The following ACO1 variants were observed in gnomAD, a reference collection of about 807,000 sequenced individuals.
ACO1 encodes the protein aconitase 1.
ACO1 carries 78 observed loss-of-function variants against 105.1 expected under a neutral mutation model. The ratio of observed to expected loss-of-function variants is 0.74; its 90% CI spans 0.62 to 0.90. The LOEUF (loss-of-function observed/expected upper bound fraction) is 0.90. ACO1 is among the 40% of genes least tolerant of loss of function. The pLI is 0.00. For missense variants in ACO1, 965 were observed against 1,111.1 expected (o/e 0.87, Z 1.87); for synonymous variants, 364 against 397.4 (o/e 0.92, Z 1.00).
chr9:32,429,758 TGATAAACATAA>T (rs954318982), intron 13 of ACO1, among the ~76,000 whole-genome samples: 10 of 152,350 alleles, frequency 6.6e-5, no homozygotes, highest in Middle Eastern at 3.4e-3. Context: ...ATTAAGATGA[TGATAAACATAA>T]GTCACTTAGT....
chr9:32,436,000 C>A (rs533098168), intron 17 of ACO1: 4 of 641,124 alleles, frequency 6.2e-6, no homozygotes, highest in South Asian at 1.5e-5. Flanking sequence ...ATTTTTCTAA[C>A]CAGATTTGAA....
Position 32,450,051 on chromosome 9 carries a change from G to A in ACO1, c.2610G>A (p.Glu870=). 6.2e-7 allele frequency: 1 copy of A among 1,614,098 alleles called. No individual in the cohort carries two copies. The highest frequency in any genetic ancestry group is 8.5e-7 in the Non-Finnish European group (1 of 1,180,028). ...TCATGAGGTTTGACACTGATGTGGAGCTCACTTATTTCCTCAACGGGGGCA... is the reference window on the plus strand; with the variant it reads ...TCATGAGGTTTGACACTGATGTGGAACTCACTTATTTCCTCAACGGGGGCA... ...QAVMRFDTDV[E]LTYFLNGGIL... is the part of the protein sequence containing the mutation. Residue 870 remains glutamate (E), a synonymous_variant, in exon 21 of 21, where the codon GAG becomes GAA. Transcript: ENST00000309951.
intron 1 of ACO1, among the ~76,000 whole-genome samples, chr9:32,392,449 T>G (rs1413275582): frequency 6.6e-6 from 1 of 152,200 alleles, no homozygotes; most frequent in Non-Finnish European, 1.5e-5. Context: ...AGCACATGTC[T>G]CCAGGCTGCT....
In ACO1 at chr9:32,450,979, A is replaced by G. The variant is rs573135879; in HGVS notation, c.*868A>G. 6 of 146,074 alleles carry G rather than the reference A, an allele frequency of 4.1e-5. No homozygotes were observed. The East Asian group carries it at 9.6e-4, about 23-fold the overall frequency. 9.0% of individuals were successfully genotyped at this position (146,074 alleles called of 1,614,324 possible). On this transcript the variant is annotated 3_prime_UTR_variant, in exon 21 of 21. Coordinates refer to ENST00000309951, the MANE Select transcript of ACO1 (RefSeq NM_002197.3). ...ACAACTCTATCAGAACTGTACGGGT[A>G]TAACGGAAATGTTTAGGAACCATTA... is the stretch of plus-strand genomic sequence containing the variant.
intron 8 of ACO1, 38 bp downstream of exon 8, chr9:32,421,065 A>G (rs1416731428): frequency 1.3e-6 from 2 of 1,596,138 alleles, no homozygotes; most frequent in South Asian, 1.1e-5. Flanking sequence ...GCTTTTTGTA[A>G]AAGTTCCATG....
At chr9:32,401,023 A>G (rs547935437) in intron 1 of ACO1, among the ~76,000 whole-genome samples, 1 of 151,736 alleles carries the variant, frequency 6.6e-6, no homozygotes, top group African/African-American at 2.4e-5. Context: ...AAATTCTCAT[A>G]TCATTTAATG....
chr9:32,435,192 G>A (rs992650000), intron 17 of ACO1, among the ~76,000 whole-genome samples: 2 of 152,068 alleles, frequency 1.3e-5, no homozygotes, highest in Non-Finnish European at 2.9e-5. Context: ...TATATTAATC[G>A]AGGTCAGTGG....
rs377699256 is a variant in ACO1, at chr9:32,418,411, A to T, written c.558A>T (p.Ala186=). Reference sequence around the variant, plus strand: ...ACCAGGTGAATTTGGAATATTTGGCAAGAGTGGTATTTGATCAGGATGGAT... The same window carrying T: ...ACCAGGTGAATTTGGAATATTTGGCTAGAGTGGTATTTGATCAGGATGGAT... ...IIHQVNLEYL[A]RVVFDQDGYY... The change falls in exon 6 of 21, where the codon GCA becomes GCT. Residue 186 remains alanine (A), a synonymous_variant. Transcript: ENST00000309951. 1.9e-6 allele frequency: 3 copies of T among 1,614,112 alleles called. No homozygotes were observed. Among genetic ancestry groups the T allele is most frequent in the Non-Finnish European group, 2.5e-6 (3 of 1,180,038 alleles).
chr9:32,418,205 C>A lies in ACO1; in HGVS notation c.474+8C>A, dbSNP rs573614040. The A allele has an allele frequency of 6.2e-7, 1 of 1,614,038 alleles. No individual in the cohort carries two copies. Among genetic ancestry groups the A allele is most frequent in the African/African-American group, 1.3e-5 (1 of 75,030 alleles). ...CGATTTGAATTTTTAAAGGTATGGG[C>A]AGGGTCTGGTTCCATTGTTTGGTTT... On this transcript the variant is annotated splice_region_variant and intron_variant, in intron 5 of 20. Coordinates refer to ENST00000309951, the MANE Select transcript of ACO1 (RefSeq NM_002197.3).
At chr9:32,436,151 ATGTTT>A (rs558647639) in intron 17 of ACO1, 94 bp from the exon 18 acceptor site, 39 of 1,464,070 alleles carry the variant, frequency 2.7e-5, no homozygotes, top group Admixed American at 1.9e-4. Context: ...AGCCAGGTCT[ATGTTT>A]TGTTTTGTTT....
chr9:32,410,369 A>T lies in ACO1; in HGVS notation c.404+1718A>T, dbSNP rs192727735. ...GTCAGGAGATCAAGACCATCCTGGC[A>T]AACATGTTGAAACCCCATCTCTACT... is the stretch of plus-strand genomic sequence containing the variant. On this transcript the variant is annotated intron_variant, in intron 4 of 20. Coordinates refer to ENST00000309951, the MANE Select transcript of ACO1 (RefSeq NM_002197.3). 3.3e-4 allele frequency among the ~76,000 whole-genome samples: 50 copies of T among 152,124 alleles called. No homozygotes were observed. The Middle Eastern group carries it at 0.01, about 31-fold the overall frequency.
intron 1 of ACO1, among the ~76,000 whole-genome samples, chr9:32,393,830 T>C (rs1821316469): frequency 6.6e-6 from 1 of 152,198 alleles, no homozygotes; most frequent in Non-Finnish European, 1.5e-5. Context: ...CCTGGATTTG[T>C]TCCCTCCTGT....
chr9:32,408,410 A>G, intron 3 of ACO1, 104 bp from the exon 4 acceptor site: 1 of 1,319,932 alleles, frequency 7.6e-7, no homozygotes, highest in Admixed American at 2.1e-5. Flanking sequence ...AGCTCCTCTG[A>G]TGAGGTAGGG....
chr9:32,436,512 C>T, intron 18 of ACO1, 115 bp downstream of exon 18: 3 of 1,200,274 alleles, frequency 2.5e-6, no homozygotes, highest in Non-Finnish European at 3.6e-6. Flanking sequence ...CTCCATCCTA[C>T]CCTAACTACA....
In ACO1 at chr9:32,453,649, C is replaced by T. The variant is rs1228351931; in HGVS notation, c.*3538C>T. The T allele has an allele frequency of 2.0e-5, 3 of 152,150 alleles. No homozygotes were observed. The highest frequency in any genetic ancestry group is 4.4e-5 in the Non-Finnish European group (3 of 68,022). The allele number at this position is 152,150 out of a possible 1,614,324, so 9.4% of individuals were successfully genotyped here. A position where few individuals can be genotyped will look rare whatever the true frequency, so the allele number is the denominator to read the frequency against. ...GGCAAAAATATTGGGAGTTCCTAGT[C>T]ACCTAAATGAAGAACCTTATTTTTA... is the stretch of plus-strand genomic sequence containing the variant. On this transcript the variant is annotated 3_prime_UTR_variant, in exon 21 of 21. Transcript: ENST00000309951.
At chr9:32,428,665 C>T (rs982641305) in intron 12 of ACO1, among the ~76,000 whole-genome samples, 6 of 151,996 alleles carry the variant, frequency 3.9e-5, no homozygotes, top group Non-Finnish European at 7.4e-5. Context: ...GGTGAAACCC[C>T]GTCTCTACTG....
chr9:32,391,301 A>G (rs567626097), intron 1 of ACO1, among the ~76,000 whole-genome samples: 30 of 152,336 alleles, frequency 2.0e-4, no homozygotes, highest in African/African-American at 6.0e-4. Context: ...TTAAGAATCA[A>G]TTGGAAACCA....
At chr9:32,406,369 C>T (rs1821610418) in intron 2 of ACO1, among the ~76,000 whole-genome samples, 1 of 152,282 alleles carries the variant, frequency 6.6e-6, no homozygotes, top group East Asian at 1.9e-4. Context: ...TGCCTGTAAT[C>T]CCTGCACTTC....
Position 32,419,057 on chromosome 9 carries a change from A to G in ACO1, c.678A>G (p.Ala226=). 1 of 1,607,032 alleles carries G rather than the reference A, an allele frequency of 6.2e-7. No homozygotes were observed. The highest frequency in any genetic ancestry group is 8.5e-7 in the Non-Finnish European group (1 of 1,176,318). ...TTGCAGGTGTCGGTGGTATTGAAGCAGAAGCTGTCATGCTGGGTCAGCCAA... is the reference window on the plus strand; with the variant it reads ...TTGCAGGTGTCGGTGGTATTGAAGCGGAAGCTGTCATGCTGGGTCAGCCAA... ...ILGWGVGGIE[A]EAVMLGQPIS... The change falls in exon 7 of 21, where the codon GCA becomes GCG. Residue 226 remains alanine (A), a synonymous_variant. Coordinates refer to ENST00000309951, the MANE Select transcript of ACO1 (RefSeq NM_002197.3).
Sources: gnomAD v4.1 joint callset for allele counts (sites outside exome capture counted in the v4.1 genomes callset) on GRCh38, gnomAD v4.1.1 for gene constraint, MANE v1.5 for transcripts, NCBI Gene and HGNC (gene_info 2026-07-23, HGNC 2026-07-21) for gene names.